The following SMYD3 variants were observed in gnomAD, a reference collection of about 807,000 sequenced individuals.
SMYD3 encodes SET and MYND domain containing 3, also known as histone-lysine N-methyltransferase SMYD3.
A neutral mutation model predicts 57.7 loss-of-function variants in SMYD3; 36 were observed. The ratio of observed to expected loss-of-function variants is 0.62; its 90% CI spans 0.48 to 0.82. The LOEUF is 0.82. Ranked by LOEUF, SMYD3 falls within the 40% of genes least tolerant of loss-of-function variation. The pLI is 0.00. For synonymous variants in SMYD3, 211 were observed against 195.0 expected, an observed-to-expected ratio of 1.08 and a Z score of -0.68; for missense variants, 515 against 538.8, an observed-to-expected ratio of 0.96 and a Z score of 0.44.
chr1:246,183,948 T>C lies in SMYD3; in HGVS notation c.531+143253A>G, dbSNP rs553579063. 1.8e-4 allele frequency among the ~76,000 whole-genome samples: 28 copies of C among 152,304 alleles called. 1 individual carries two copies. The highest frequency in any genetic ancestry group is 1.8e-3 in the Admixed American group (27 of 15,292). On this transcript the variant is annotated intron_variant, in intron 5 of 11. Coordinates refer to ENST00000490107, the MANE Select transcript of SMYD3 (RefSeq NM_001167740.2). ...TTACAAGGTGGTAACAGGATACATA[T>C]CAAAGTCAAAGCGCTTTAATAAATG...
intron 2 of SMYD3, among the ~76,000 whole-genome samples, chr1:246,347,196 G>A (rs528564788): frequency 6.6e-6 from 1 of 151,760 alleles, no homozygotes; most frequent in East Asian, 1.9e-4. Context: ...ATTATATAAA[G>A]GTATAAGATA....
intron 5 of SMYD3, among the ~76,000 whole-genome samples, chr1:246,300,857 A>G (rs2064882438): frequency 6.6e-6 from 1 of 152,146 alleles, no homozygotes; most frequent in African/African-American, 2.4e-5. Context: ...CTTTTTCATT[A>G]CTGATTACAA....
chr1:245,834,078 T>G (rs1473839870), intron 10 of SMYD3, among the ~76,000 whole-genome samples: 1 of 152,202 alleles, frequency 6.6e-6, no homozygotes, highest in Non-Finnish European at 1.5e-5. Flanking sequence ...TCTTTTCACT[T>G]AAGGCCCTTT....
chr1:246,314,829 C>T (rs751680870), intron 5 of SMYD3, among the ~76,000 whole-genome samples: 3 of 152,148 alleles, frequency 2.0e-5, no homozygotes, highest in East Asian at 1.9e-4. Flanking sequence ...TTTCAAATGT[C>T]GAACGATACT....
chr1:246,005,117 G>C (rs1407295300), intron 5 of SMYD3, among the ~76,000 whole-genome samples: 1 of 152,072 alleles, frequency 6.6e-6, no homozygotes, highest in East Asian at 1.9e-4. Context: ...CCAAAGTGCT[G>C]GTATTATATG....
intron 5 of SMYD3, among the ~76,000 whole-genome samples, chr1:245,945,375 A>T (rs888184983): frequency 1.9e-4 from 29 of 152,360 alleles, no homozygotes; most frequent in African/African-American, 6.0e-4. Flanking sequence ...CAAACATGAA[A>T]AAAAGCTCAA....
chr1:246,118,471 G>A (rs1198490608), intron 5 of SMYD3, among the ~76,000 whole-genome samples: 1 of 152,152 alleles, frequency 6.6e-6, no homozygotes, highest in Non-Finnish European at 1.5e-5. Context: ...GTGCAATATG[G>A]TGCACCTGCA....
intron 5 of SMYD3, among the ~76,000 whole-genome samples, chr1:246,001,045 C>T (rs145065625): frequency 1.6e-3 from 241 of 152,326 alleles, no homozygotes; most frequent in Admixed American, 2.5e-3. Context: ...CACCACTTCA[C>T]TCAAGTCTTA....
chr1:246,450,700 T>C (rs1278012987), intron 1 of SMYD3, among the ~76,000 whole-genome samples: 3 of 152,212 alleles, frequency 2.0e-5, no homozygotes, highest in African/African-American at 7.2e-5. Flanking sequence ...ATGCCTAGCA[T>C]GTAACTGAAT....
intron 5 of SMYD3, among the ~76,000 whole-genome samples, chr1:246,012,222 G>A (rs974697504): frequency 1.3e-5 from 2 of 152,104 alleles, no homozygotes; most frequent in Admixed American, 6.5e-5. Flanking sequence ...TACATAAAGC[G>A]TTGAAAACCA....
In SMYD3 at chr1:246,134,394, A is replaced by G. The variant is rs74491359; in HGVS notation, c.531+192807T>C. Among the ~76,000 whole-genome samples, 76 of 152,256 alleles carry G rather than the reference A, an allele frequency of 5.0e-4. 1 individual carries two copies. Among genetic ancestry groups the G allele is most frequent in the Non-Finnish European group, 8.1e-4 (55 of 67,978 alleles). ...AAACACTTATGTATTCAATTCAGCT[A>G]GATCATGTATATGATTCATAAGTAA... is the stretch of plus-strand genomic sequence containing the variant. On this transcript the variant is annotated intron_variant, in intron 5 of 11. Transcript: ENST00000490107.
intron 1 of SMYD3, among the ~76,000 whole-genome samples, chr1:246,481,621 T>TATATATTATATATATATATATATATATAC (rs1307881494): frequency 1.0e-5 from 1 of 98,546 alleles, no homozygotes; most frequent in African/African-American, 3.7e-5. Flanking sequence ...CATACATATA[T>TATATATTATATATATATATATATATATAC]ACATACATAC....
chr1:246,357,093 G>A (rs2065920915), intron 1 of SMYD3, among the ~76,000 whole-genome samples: 1 of 152,180 alleles, frequency 6.6e-6, no homozygotes, highest in Admixed American at 6.5e-5. Flanking sequence ...AGCAGAAACT[G>A]TCAGAGGCAT....
chr1:246,141,297 C>G (rs534482828), intron 5 of SMYD3, among the ~76,000 whole-genome samples: 2 of 152,320 alleles, frequency 1.3e-5, no homozygotes, highest in South Asian at 2.1e-4. Context: ...ACTGGAAACT[C>G]TGCAAAAGAT....
chr1:245,883,819 T>C (rs1017389715), intron 8 of SMYD3, among the ~76,000 whole-genome samples: 3 of 152,182 alleles, frequency 2.0e-5, no homozygotes, highest in African/African-American at 4.8e-5. Flanking sequence ...TTCTAGGCTA[T>C]TGAGTACATA....
At chr1:246,344,408 C>A (rs1249500613) in intron 2 of SMYD3, among the ~76,000 whole-genome samples, 1 of 152,198 alleles carries the variant, frequency 6.6e-6, no homozygotes, top group East Asian at 1.9e-4. Context: ...TTGAGATTCA[C>A]TAACGTTGCG....
At chr1:245,805,708 C>T (rs551869629) in intron 10 of SMYD3, among the ~76,000 whole-genome samples, 1 of 152,246 alleles carries the variant, frequency 6.6e-6, no homozygotes, top group East Asian at 1.9e-4. Flanking sequence ...GTGCTCACCC[C>T]GTCTGTGGCT....
chr1:246,276,876 G>A (rs112744090), intron 5 of SMYD3, among the ~76,000 whole-genome samples: 1 of 140,622 alleles, frequency 7.1e-6, no homozygotes, highest in African/African-American at 2.6e-5. Flanking sequence ...AACACTGGCA[G>A]GTTATTTAAT....
At chr1:246,321,466 C>A (rs1020129922) in intron 5 of SMYD3, among the ~76,000 whole-genome samples, 3 of 151,980 alleles carry the variant, frequency 2.0e-5, no homozygotes, top group Non-Finnish European at 4.4e-5. Flanking sequence ...AATGACCTAA[C>A]CATCATATTA....
Sources: gnomAD v4.1 joint callset for allele counts (sites outside exome capture counted in the v4.1 genomes callset) on GRCh38, gnomAD v4.1.1 for gene constraint, MANE v1.5 for transcripts, NCBI Gene and HGNC (gene_info 2026-07-23, HGNC 2026-07-21) for gene names.